NANP: variants seen among roughly 807,000 people sequenced by gnomAD.
NANP encodes the protein N-acetylneuraminic acid phosphatase.
In NANP, 15 loss-of-function variants were observed where a neutral mutation model predicts 16.9. The ratio of observed to expected loss-of-function variants is 0.89; its 90% CI spans 0.59 to 1.37. The LOEUF is 1.37. Ranked by LOEUF, NANP falls within the 40% of genes most tolerant of loss-of-function variation. The pLI, the probability that NANP is intolerant of heterozygous loss-of-function variation, is 0.00. For synonymous variants in NANP, 135 were observed against 112.6 expected, an observed-to-expected ratio of 1.20 and a Z score of -1.26; for missense variants, 290 against 303.5, an observed-to-expected ratio of 0.96 and a Z score of 0.33.
In NANP at chr20:25,614,200, T is replaced by C. The variant is rs918026433; in HGVS notation, c.*1725A>G. On this transcript the variant is annotated 3_prime_UTR_variant, in exon 2 of 2. Coordinates refer to ENST00000304788, the MANE Select transcript of NANP (RefSeq NM_152667.3). ...TGTTTCTTGGCAGTAGACAGAAAAC[T>C]GGCTAAAGAAATAGGCTCACAGATA... The C allele has an allele frequency of 2.6e-5, 5 of 192,072 alleles. No homozygotes were observed. The highest frequency in any genetic ancestry group is 1.1e-5 in the Non-Finnish European group (1 of 94,758). The allele number at this position is 192,072 out of a possible 1,614,324, so 11.9% of individuals were successfully genotyped here.
chr20:25,623,719 C>T (rs2065377634), intron 1 of NANP, 140 bp downstream of exon 1: 2 of 806,882 alleles, frequency 2.5e-6, no homozygotes, highest in South Asian at 3.9e-5. Context: ...CACCTCCGCA[C>T]CCGCACGCTC....
intron 1 of NANP, among the ~76,000 whole-genome samples, chr20:25,622,116 G>A (rs2065366881): frequency 6.6e-6 from 1 of 152,222 alleles, no homozygotes. Context: ...ATAAGTGAGG[G>A]TGTAAAGACC....
rs1440116312 is a variant in NANP at position 25,613,148 on chromosome 20, A to G, written c.*2777T>C. The G allele has an allele frequency of 6.6e-6, 1 of 151,854 alleles. No individual in the cohort carries two copies. Among genetic ancestry groups the G allele is most frequent in the African/African-American group, 2.4e-5 (1 of 41,390 alleles). 9.4% of individuals were successfully genotyped at this position (151,854 alleles called of 1,614,324 possible). A position where few individuals can be genotyped will look rare whatever the true frequency, so the allele number is the denominator to read the frequency against. Reference sequence around the variant, plus strand: ...GTTATATTTATATTTATTTATATACATGTGTTATATTTATATTTATATATA... The same window carrying G: ...GTTATATTTATATTTATTTATATACGTGTGTTATATTTATATTTATATATA... On this transcript the variant is annotated 3_prime_UTR_variant, in exon 2 of 2. Transcript: ENST00000304788.
chr20:25,620,662 T>C (rs1230561905), intron 1 of NANP, among the ~76,000 whole-genome samples: 3 of 152,152 alleles, frequency 2.0e-5, no homozygotes. Flanking sequence ...CGCACACCCT[T>C]AGAATGACCC....
At chr20:25,620,237 C>T (rs2065359127) in intron 1 of NANP, among the ~76,000 whole-genome samples, 1 of 152,140 alleles carries the variant, frequency 6.6e-6, no homozygotes, top group South Asian at 2.1e-4. Flanking sequence ...AGCTCTCTAA[C>T]TTGGAGGCGT....
intron 1 of NANP, among the ~76,000 whole-genome samples, chr20:25,621,006 G>A (rs567077501): frequency 1.1e-4 from 17 of 152,210 alleles, no homozygotes; most frequent in Admixed American, 4.6e-4. Flanking sequence ...GCTGGCTCCG[G>A]GTCTCATCTT....
rs1403849077 is a variant in NANP, at chr20:25,613,726, A to G, written c.*2199T>C. ...TCTGTAGAATACAAACTGTGAAGACAAGGAAATTTAATTATTCAATTTTTT... is the reference window on the plus strand; with the variant it reads ...TCTGTAGAATACAAACTGTGAAGACGAGGAAATTTAATTATTCAATTTTTT... On this transcript the variant is annotated 3_prime_UTR_variant, in exon 2 of 2. Coordinates refer to ENST00000304788, the MANE Select transcript of NANP (RefSeq NM_152667.3). 1 of 398,368 alleles carries G rather than the reference A, an allele frequency of 2.5e-6. No homozygotes were observed. Among genetic ancestry groups the G allele is most frequent in the African/African-American group, 2.1e-5 (1 of 48,632 alleles). The allele number at this position is 398,368 out of a possible 1,614,324, so 24.7% of individuals were successfully genotyped here. A position where few individuals can be genotyped will look rare whatever the true frequency, so the allele number is the denominator to read the frequency against.
rs569272955 is a variant in NANP, at chr20:25,621,846, C to A, written c.90+2013G>T. On this transcript the variant is annotated intron_variant, in intron 1 of 1. Transcript: ENST00000304788. ...GGGATTACAGGCGTGAGCCACCGCG[C>A]CCGGCCCATTCATAAATTATTTACA... Among the ~76,000 whole-genome samples the A allele has an allele frequency of 8.2e-3, 1,251 of 152,330 alleles. 18 individuals carry two copies. The highest frequency in any genetic ancestry group is 0.026 in the African/African-American group (1,074 of 41,570).
Position 25,614,214 on chromosome 20 carries a change from G to A in NANP, c.*1711C>T, listed in dbSNP as rs1037037947. 5.5e-6 allele frequency: 1 copy of A among 180,376 alleles called. No homozygotes were observed. The highest frequency in any genetic ancestry group is 6.2e-5 in the Admixed American group (1 of 16,116). 11.2% of individuals were successfully genotyped at this position (180,376 alleles called of 1,614,324 possible). The stretch of plus-strand genomic sequence containing the variant: ...AGACAGAAAACTGGCTAAAGAAATA[G>A]GCTCACAGATAGGTACAATCTACAA... On this transcript the variant is annotated 3_prime_UTR_variant, in exon 2 of 2. Coordinates refer to ENST00000304788, the MANE Select transcript of NANP (RefSeq NM_152667.3).
At chr20:25,618,375 G>A (rs1035689416) in intron 1 of NANP, among the ~76,000 whole-genome samples, 5 of 152,130 alleles carry the variant, frequency 3.3e-5, no homozygotes, top group African/African-American at 9.7e-5. Flanking sequence ...ATGAACAAAG[G>A]CCAAGAGTTT....
In NANP at chr20:25,623,954, C is replaced by T. The variant is rs2065380506; in HGVS notation, c.-6G>A. 4 of 1,611,598 alleles carry T rather than the reference C, an allele frequency of 2.5e-6. No individual in the cohort carries two copies. The highest frequency in any genetic ancestry group is 1.7e-4 in the Middle Eastern group (1 of 6,040). On this transcript the variant is annotated 5_prime_UTR_variant, in exon 1 of 2. Coordinates refer to ENST00000304788, the MANE Select transcript of NANP (RefSeq NM_152667.3). Reference sequence around the variant, plus strand: ...CGCACGCGGCTCAGCCCCATAGCGCCGGCCGCTGGCGCGAACCGTAGCCTT... The same window carrying T: ...CGCACGCGGCTCAGCCCCATAGCGCTGGCCGCTGGCGCGAACCGTAGCCTT...
intron 1 of NANP, among the ~76,000 whole-genome samples, chr20:25,617,284 T>G (rs1260711175): frequency 6.6e-6 from 1 of 152,180 alleles, no homozygotes; most frequent in African/African-American, 2.4e-5. Flanking sequence ...CCAGCTCGGC[T>G]CACTGCAACC....
chr20:25,623,605 G>A (rs2065376674), intron 1 of NANP, among the ~76,000 whole-genome samples: 4 of 152,166 alleles, frequency 2.6e-5, no homozygotes, highest in Admixed American at 2.0e-4. Flanking sequence ...TCCGCGTCCC[G>A]AGCGCCAAGG....
At chr20:25,617,884 A>G (rs914884301) in intron 1 of NANP, among the ~76,000 whole-genome samples, 2 of 152,166 alleles carry the variant, frequency 1.3e-5, no homozygotes, top group Admixed American at 6.5e-5. Context: ...TGTGGCTTTT[A>G]TAACACTAAT....
intron 1 of NANP, among the ~76,000 whole-genome samples, chr20:25,618,714 A>G (rs2065353235): frequency 6.6e-6 from 1 of 152,142 alleles, no homozygotes; most frequent in Admixed American, 6.5e-5. Context: ...TAAATATCAC[A>G]GCTTCCTTGC....
chr20:25,613,580 A>G lies in NANP; in HGVS notation c.*2345T>C, dbSNP rs1462901075. 4 of 381,842 alleles carry G rather than the reference A, an allele frequency of 1.0e-5. No homozygotes were observed. Among genetic ancestry groups the G allele is most frequent in the Non-Finnish European group, 1.8e-5 (4 of 216,672 alleles). The allele number at this position is 381,842 out of a possible 1,614,324, so 23.7% of individuals were successfully genotyped here. A position where few individuals can be genotyped will look rare whatever the true frequency, so the allele number is the denominator to read the frequency against. Reference sequence around the variant, plus strand: ...TTATTCTAAAACAAAAAATATTAATAAAATCATAGGTTTATTCCAATATTT... The same window carrying G: ...TTATTCTAAAACAAAAAATATTAATGAAATCATAGGTTTATTCCAATATTT... On this transcript the variant is annotated 3_prime_UTR_variant, in exon 2 of 2. Transcript: ENST00000304788.
chr20:25,623,775 G>T, intron 1 of NANP, 84 bp downstream of exon 1: 1 of 1,312,614 alleles, frequency 7.6e-7, no homozygotes, highest in Non-Finnish European at 1.1e-6. Context: ...CGGGGTGGAA[G>T]TGGGGTCAAG....
At position 25,616,346 on chromosome 20, in the gene NANP, G is replaced by A. The variant is rs370459202; in HGVS notation, c.326C>T (p.Thr109Ile). 1 of 1,614,122 alleles carries A rather than the reference G, an allele frequency of 6.2e-7. No individual in the cohort carries two copies. Among genetic ancestry groups the A allele is most frequent in the Non-Finnish European group, 8.5e-7 (1 of 1,180,022 alleles). ...CATGGCTTTGACGTCTTCTGCTAGT[G>A]TCATATGCTGTAAACGTGTAGATTT... Reference protein sequence around the residue: ...LWKSTRLQHMTLAEDVKAMLT... With the variant: ...LWKSTRLQHMILAEDVKAMLT... The change falls in exon 2 of 2, where the codon ACA becomes ATA. Residue 109 changes from threonine to isoleucine, a missense_variant. Coordinates refer to ENST00000304788, the MANE Select transcript of NANP (RefSeq NM_152667.3).
intron 1 of NANP, 98 bp downstream of exon 1, chr20:25,623,761 G>A: frequency 8.3e-7 from 1 of 1,205,502 alleles, no homozygotes; most frequent in Admixed American, 2.6e-5. Context: ...GCGGCCCGCG[G>A]CGCCGGGGTG....
Sources: gnomAD v4.1 joint callset for allele counts (sites outside exome capture counted in the v4.1 genomes callset) on GRCh38, gnomAD v4.1.1 for gene constraint, MANE v1.5 for transcripts, NCBI Gene and HGNC (gene_info 2026-07-23, HGNC 2026-07-21) for gene names.